Variants in EPHA7 observed in about 807,000 individuals in gnomAD.
EPHA7 encodes ephrin type-A receptor 7.
A neutral mutation model predicts 112.6 loss-of-function variants in EPHA7; 25 were observed. That is an observed-to-expected ratio of 0.22 (90% CI 0.16 to 0.31). EPHA7 has a LOEUF of 0.31. EPHA7 is among the 10% of genes least tolerant of loss of function. The probability of loss-of-function intolerance (pLI) is 1.00; values close to 1 mark genes in which losing one functional copy is unlikely to be tolerated. For missense variants in EPHA7, 962 were observed against 1,212.6 expected (o/e 0.79, Z 3.07); for synonymous variants, 437 against 406.5 (o/e 1.07, Z -0.90).
intron 3 of EPHA7, among the ~76,000 whole-genome samples, chr6:93,406,847 A>G (rs1432017554): frequency 6.6e-6 from 1 of 151,950 alleles, no homozygotes; most frequent in Non-Finnish European, 1.5e-5. Flanking sequence ...AAATATTTAC[A>G]TATGTAAAAT....
intron 3 of EPHA7, among the ~76,000 whole-genome samples, chr6:93,387,912 T>TAGATAGACAGACAGAC (rs1562146687): frequency 3.7e-5 from 3 of 80,214 alleles, no homozygotes; most frequent in Non-Finnish European, 2.5e-5. Context: ...CAGACCATCT[T>TAGATAGACAGACAGAC]AGATAGATAG....
In EPHA7 at chr6:93,356,853, C is replaced by T. The variant is rs1291814734; in HGVS notation, c.1188G>A (p.Glu396=). The part of the protein sequence containing the change: ...IGYMPQQTGL[E]DNYVTVMDLL... Reference sequence around the variant, plus strand: ...GGTCCATGACAGTGACATAGTTATCCTCTAATCCAGTCTGCTGGGGCATGT... The same window carrying T: ...GGTCCATGACAGTGACATAGTTATCTTCTAATCCAGTCTGCTGGGGCATGT... The change falls in exon 5 of 17, where the codon GAG becomes GAA. Residue 396 remains glutamate (E), a synonymous_variant. Transcript: ENST00000369303. 6.2e-7 allele frequency: 1 copy of T among 1,614,104 alleles called. No individual in the cohort carries two copies. Among genetic ancestry groups the T allele is most frequent in the Non-Finnish European group, 8.5e-7 (1 of 1,180,024 alleles).
chr6:93,278,617 T>C (rs907720946), intron 5 of EPHA7, among the ~76,000 whole-genome samples: 4 of 152,098 alleles, frequency 2.6e-5, no homozygotes, highest in Non-Finnish European at 5.9e-5. Flanking sequence ...TGGATTTTTA[T>C]AGTTCCTTAG....
intron 5 of EPHA7, among the ~76,000 whole-genome samples, chr6:93,352,579 TA>T (rs2127939191): frequency 6.6e-6 from 1 of 152,226 alleles, no homozygotes; most frequent in South Asian, 2.1e-4. Flanking sequence ...AACATTATAA[TA>T]AAGTGTTCTA....
At chr6:93,401,937 A>G (rs1234818281) in intron 3 of EPHA7, among the ~76,000 whole-genome samples, 1 of 152,038 alleles carries the variant, frequency 6.6e-6, no homozygotes, top group East Asian at 1.9e-4. Context: ...GTTATCTTAG[A>G]GAAAATAGCT....
intron 6 of EPHA7, among the ~76,000 whole-genome samples, chr6:93,270,573 T>C (rs1416718496): frequency 6.6e-6 from 1 of 151,656 alleles, no homozygotes; most frequent in African/African-American, 2.4e-5. Context: ...GAGTTCTTAT[T>C]TGGTGTATAA....
intron 5 of EPHA7, among the ~76,000 whole-genome samples, chr6:93,305,090 C>A (rs1422344228): frequency 3.9e-5 from 6 of 151,950 alleles, no homozygotes; most frequent in Admixed American, 2.6e-4. Context: ...TTTATATTAG[C>A]AATTTTTATG....
chr6:93,326,251 G>A (rs191532397), intron 5 of EPHA7, among the ~76,000 whole-genome samples: 2 of 151,388 alleles, frequency 1.3e-5, no homozygotes, highest in Admixed American at 1.3e-4. Context: ...CCAGCCCTCA[G>A]CAAATTACCT....
At chr6:93,354,074 C>A (rs1775824188) in intron 5 of EPHA7, among the ~76,000 whole-genome samples, 1 of 152,012 alleles carries the variant, frequency 6.6e-6, no homozygotes, top group South Asian at 2.1e-4. Context: ...AGGAAGATAA[C>A]CAACCAGAAA....
chr6:93,398,651 G>A (rs571868254), intron 3 of EPHA7, among the ~76,000 whole-genome samples: 24 of 151,968 alleles, frequency 1.6e-4, no homozygotes, highest in African/African-American at 5.3e-4. Flanking sequence ...TTATAATGAA[G>A]GATGAGGCAT....
chr6:93,346,375 G>A (rs2127929720), intron 5 of EPHA7, among the ~76,000 whole-genome samples: 1 of 151,782 alleles, frequency 6.6e-6, no homozygotes, highest in South Asian at 2.1e-4. Context: ...AAATGGGCAC[G>A]ATAGCTAGCT....
At chr6:93,269,716 C>A (rs1771117922) in intron 6 of EPHA7, 56 bp from the exon 7 acceptor site, 2 of 1,344,264 alleles carry the variant, frequency 1.5e-6, no homozygotes, top group Non-Finnish European at 2.0e-6. Context: ...GACAATTTGA[C>A]AGCCAACTGT....
rs1488861748 is a variant in EPHA7, at chr6:93,410,397, G to A, written c.832+104C>T. 2 of 1,067,214 alleles carry A rather than the reference G, an allele frequency of 1.9e-6. No individual in the cohort carries two copies. The allele number at this position is 1,067,214 out of a possible 1,614,324, so 66.1% of individuals were successfully genotyped here. On this transcript the variant is annotated intron_variant, in intron 3 of 16. Coordinates refer to ENST00000369303, the MANE Select transcript of EPHA7 (RefSeq NM_004440.4). This position sits in a 1 kb window ranked among gnomAD's most constrained non-coding sequence, Gnocchi z 4.0. ...TTAAGATCTACTGAATTGCGCTTCT[G>A]GTACAGAGCAGATTCACGTATTCAA...
chr6:93,267,797 C>T (rs1771016352), intron 7 of EPHA7, among the ~76,000 whole-genome samples: 1 of 151,550 alleles, frequency 6.6e-6, no homozygotes, highest in African/African-American at 2.4e-5. Context: ...GTTTAATATT[C>T]TCAATTTACA....
chr6:93,396,823 G>A (rs1287460385), intron 3 of EPHA7, among the ~76,000 whole-genome samples: 1 of 151,444 alleles, frequency 6.6e-6, no homozygotes, highest in East Asian at 1.9e-4. Flanking sequence ...ACAATCCCCA[G>A]TACAAATGGG....
chr6:93,347,637 A>G (rs1775467249), intron 5 of EPHA7, among the ~76,000 whole-genome samples: 1 of 151,830 alleles, frequency 6.6e-6, no homozygotes, highest in Non-Finnish European at 1.5e-5. Flanking sequence ...TTAAATTGAA[A>G]TTTGTTTTCT....
intron 3 of EPHA7, among the ~76,000 whole-genome samples, chr6:93,387,779 A>G (rs1777687967): frequency 6.6e-6 from 1 of 152,104 alleles, no homozygotes. Flanking sequence ...ATCTCATAAG[A>G]ACTCACTATC....
chr6:93,400,762 G>A (rs576088098), intron 3 of EPHA7, among the ~76,000 whole-genome samples: 31 of 151,964 alleles, frequency 2.0e-4, no homozygotes, highest in African/African-American at 5.8e-4. Flanking sequence ...GGTCTCAAAC[G>A]TCTGGCCTCA....
intron 5 of EPHA7, among the ~76,000 whole-genome samples, chr6:93,344,564 T>C (rs1775299569): frequency 6.6e-6 from 1 of 151,722 alleles, no homozygotes; most frequent in Admixed American, 6.6e-5. Context: ...ATCATTGAGC[T>C]GAATACTCTA....
Sources: gnomAD v4.1 joint callset for allele counts (sites outside exome capture counted in the v4.1 genomes callset) on GRCh38, gnomAD v4.1.1 for gene constraint, Gnocchi (gnomAD v3.1) non-coding constraint, MANE v1.5 for transcripts, NCBI Gene and HGNC (gene_info 2026-07-23, HGNC 2026-07-21) for gene names.